SLC10A7: variants seen among roughly 807,000 people sequenced by gnomAD.
SLC10A7 encodes the protein sodium/bile acid cotransporter 7.
In SLC10A7, 29 loss-of-function variants were observed where a neutral mutation model predicts 43.2. The observed-to-expected ratio is 0.67, with a 90% CI of 0.50 to 0.92. The LOEUF (loss-of-function observed/expected upper bound fraction) is 0.92, where lower values mean the gene tolerates loss of function less well. Among genes scored for constraint, SLC10A7 ranks in the 40% least tolerant of loss-of-function variants. The pLI, the probability that SLC10A7 is intolerant of heterozygous loss-of-function variation, is 0.00. For missense variants in SLC10A7, 295 were observed against 403.2 expected, an observed-to-expected ratio of 0.73 and a Z score of 2.30; for synonymous variants, 152 against 144.8, an observed-to-expected ratio of 1.05 and a Z score of -0.35.
chr4:146,337,473 C>T (rs569387437), intron 5 of SLC10A7, among the ~76,000 whole-genome samples: 23 of 152,062 alleles, frequency 1.5e-4, no homozygotes, highest in Non-Finnish European at 2.9e-4. Context: ...TCACATTATC[C>T]AATGGTCAGC....
At chr4:146,316,478 A>G (rs1181976256) in intron 6 of SLC10A7, among the ~76,000 whole-genome samples, 1 of 152,078 alleles carries the variant, frequency 6.6e-6, no homozygotes, top group Non-Finnish European at 1.5e-5. Flanking sequence ...GTGAGGACAC[A>G]GCAAAAAAGC....
chr4:146,374,051 C>A (rs1237683236), intron 5 of SLC10A7, among the ~76,000 whole-genome samples: 1 of 152,158 alleles, frequency 6.6e-6, no homozygotes, highest in Admixed American at 6.5e-5. Flanking sequence ...GGAAAATGGG[C>A]AAACTGGAGT....
intron 4 of SLC10A7, among the ~76,000 whole-genome samples, chr4:146,483,952 C>G (rs530300025): frequency 6.6e-6 from 1 of 152,180 alleles, no homozygotes; most frequent in East Asian, 1.9e-4. Flanking sequence ...ATTTATGCAC[C>G]TAACAATGGA....
intron 1 of SLC10A7, among the ~76,000 whole-genome samples, chr4:146,518,407 C>CA (rs1309991945): frequency 6.6e-6 from 1 of 152,082 alleles, no homozygotes; most frequent in African/African-American, 2.4e-5. Flanking sequence ...AGGCATAGAA[C>CA]AGCCCCTCCA....
At chr4:146,443,159 ATTGAT>A (rs1730742070) in intron 4 of SLC10A7, among the ~76,000 whole-genome samples, 1 of 152,194 alleles carries the variant, frequency 6.6e-6, no homozygotes, top group African/African-American at 2.4e-5. Context: ...ACAATCAGAG[ATTGAT>A]TTATTTGTTT....
intron 4 of SLC10A7, among the ~76,000 whole-genome samples, chr4:146,484,343 C>T (rs555929098): frequency 6.6e-6 from 1 of 152,258 alleles, no homozygotes; most frequent in Non-Finnish European, 1.5e-5. Flanking sequence ...GACAGAGAGA[C>T]ACTCTGTCTC....
At chr4:146,360,423 C>T (rs1401675199) in intron 5 of SLC10A7, among the ~76,000 whole-genome samples, 4 of 151,898 alleles carry the variant, frequency 2.6e-5, no homozygotes, top group Non-Finnish European at 1.5e-5. Flanking sequence ...CACTATATTC[C>T]TCTTTCCTTT....
chr4:146,509,415 T>G (rs188868530), intron 3 of SLC10A7, among the ~76,000 whole-genome samples: 1 of 152,366 alleles, frequency 6.6e-6, no homozygotes, highest in East Asian at 1.9e-4. Flanking sequence ...TTAAAAACTT[T>G]GCTCAAAGTC....
intron 4 of SLC10A7, among the ~76,000 whole-genome samples, chr4:146,499,655 T>C (rs1210072843): frequency 6.6e-6 from 1 of 152,206 alleles, no homozygotes; most frequent in Non-Finnish European, 1.5e-5. Context: ...GCAAACTTCA[T>C]TTCTCAAGTT....
chr4:146,271,479 C>A (rs370002669), intron 10 of SLC10A7, among the ~76,000 whole-genome samples: 16 of 152,154 alleles, frequency 1.1e-4, no homozygotes, highest in East Asian at 3.8e-4. Flanking sequence ...ACCAAACCAC[C>A]CTAAACTCTT....
chr4:146,388,589 T>A (rs1393362055), intron 5 of SLC10A7, among the ~76,000 whole-genome samples: 3 of 152,000 alleles, frequency 2.0e-5, no homozygotes, highest in African/African-American at 7.2e-5. Context: ...AAACCCCATC[T>A]CTAGTAAAAA....
At chr4:146,295,846 C>T (rs940032416) in intron 7 of SLC10A7, among the ~76,000 whole-genome samples, 21 of 152,150 alleles carry the variant, frequency 1.4e-4, no homozygotes, top group African/African-American at 4.6e-4. Flanking sequence ...TTTTAATACA[C>T]AATGGTTAAA....
chr4:146,500,847 C>T (rs1736341297), intron 4 of SLC10A7, among the ~76,000 whole-genome samples: 1 of 152,178 alleles, frequency 6.6e-6, no homozygotes, highest in Admixed American at 6.5e-5. Flanking sequence ...TCCACCAAAA[C>T]CACTGTGGTC....
At chr4:146,432,967 G>A (rs1434153548) in intron 5 of SLC10A7, among the ~76,000 whole-genome samples, 1 of 151,242 alleles carries the variant, frequency 6.6e-6, no homozygotes, top group Non-Finnish European at 1.5e-5. Flanking sequence ...GAACTCGGGA[G>A]GCGGAGCTTG....
intron 10 of SLC10A7, among the ~76,000 whole-genome samples, chr4:146,266,422 GACACAC>G (rs145477159): frequency 2.3e-4 from 35 of 149,380 alleles, no homozygotes; most frequent in African/African-American, 7.4e-4. Context: ...CATGCACATG[GACACAC>G]ACACACACAC....
In SLC10A7 at chr4:146,284,248, A is replaced by C. The variant is rs1258847698; in HGVS notation, c.774-983T>G. 2.0e-5 allele frequency among the ~76,000 whole-genome samples: 3 copies of C among 152,198 alleles called. No individual in the cohort carries two copies. In the East Asian group the frequency reaches 5.8e-4, roughly 29 times the overall value. On this transcript the variant is annotated intron_variant, in intron 9 of 11. Coordinates refer to ENST00000335472, the MANE Select transcript of SLC10A7 (RefSeq NM_001029998.6). ...GAGTTAGCAAATGGAAAAATGTTCTAGAAACTGACTCCATCTATACAGTTG... is the reference window on the plus strand; with the variant it reads ...GAGTTAGCAAATGGAAAAATGTTCTCGAAACTGACTCCATCTATACAGTTG...
chr4:146,461,035 G>C (rs1400287823), intron 4 of SLC10A7, among the ~76,000 whole-genome samples: 1 of 151,908 alleles, frequency 6.6e-6, no homozygotes, highest in Non-Finnish European at 1.5e-5. Flanking sequence ...GAAAGATTAA[G>C]CTTCAGGGCT....
At chr4:146,296,594 A>G (rs1311194020) in intron 7 of SLC10A7, among the ~76,000 whole-genome samples, 3 of 152,200 alleles carry the variant, frequency 2.0e-5, no homozygotes, top group African/African-American at 7.2e-5. Flanking sequence ...GGACAGATGT[A>G]CAAGTAAAAC....
At chr4:146,416,349 G>A (rs989006814) in intron 5 of SLC10A7, among the ~76,000 whole-genome samples, 1 of 152,124 alleles carries the variant, frequency 6.6e-6, no homozygotes, top group Non-Finnish European at 1.5e-5. Flanking sequence ...AGACTGGAGA[G>A]TATATGACGT....
Sources: gnomAD v4.1 joint callset for allele counts (sites outside exome capture counted in the v4.1 genomes callset) on GRCh38, gnomAD v4.1.1 for gene constraint, MANE v1.5 for transcripts, NCBI Gene and HGNC (gene_info 2026-07-23, HGNC 2026-07-21) for gene names.